The following GABRB1 variants were observed in gnomAD, a reference collection of about 807,000 sequenced individuals.
The protein encoded by GABRB1 is gamma-aminobutyric acid receptor subunit beta-1.
A neutral mutation model predicts 51.6 loss-of-function variants in GABRB1; 17 were observed. The ratio of observed to expected loss-of-function variants is 0.33; its 90% CI spans 0.23 to 0.49. The LOEUF (loss-of-function observed/expected upper bound fraction) is 0.49. GABRB1 is among the 20% of genes least tolerant of loss of function. The probability of loss-of-function intolerance (pLI) is 0.99; values close to 1 mark genes in which losing one functional copy is unlikely to be tolerated. For synonymous variants in GABRB1, 247 were observed against 218.9 expected (o/e 1.13, Z -1.14); for missense variants, 410 against 600.6 (o/e 0.68, Z 3.32).
At chr4:47,217,306 A>T (rs531842916) in intron 4 of GABRB1, among the ~76,000 whole-genome samples, 1 of 151,818 alleles carries the variant, frequency 6.6e-6, no homozygotes, top group Non-Finnish European at 1.5e-5. Context: ...TATTCTCTGT[A>T]CTTTTTCATG....
At chr4:47,037,632 A>G (rs1475318968) in intron 3 of GABRB1, among the ~76,000 whole-genome samples, 3 of 151,696 alleles carry the variant, frequency 2.0e-5, no homozygotes, top group Non-Finnish European at 4.4e-5. Context: ...TACATTTGAA[A>G]GCCTGGGATT....
At chr4:47,080,375 TC>T (rs1423778425) in intron 3 of GABRB1, among the ~76,000 whole-genome samples, 1 of 152,180 alleles carries the variant, frequency 6.6e-6, no homozygotes, top group Admixed American at 6.5e-5. Context: ...GGTGTACATT[TC>T]CTTTTCCTTG....
chr4:47,374,405 A>G (rs1040576711), intron 5 of GABRB1, among the ~76,000 whole-genome samples: 1 of 152,214 alleles, frequency 6.6e-6, no homozygotes, highest in African/African-American at 2.4e-5. Flanking sequence ...CTAAAAAATA[A>G]CAAATAAATA....
At chr4:47,089,229 T>A (rs1234681458) in intron 3 of GABRB1, among the ~76,000 whole-genome samples, 5 of 152,228 alleles carry the variant, frequency 3.3e-5, no homozygotes, top group African/African-American at 1.2e-4. Flanking sequence ...GGTGGTTCAG[T>A]GAACTGTGTC....
At chr4:47,342,910 T>C (rs896369468) in intron 5 of GABRB1, among the ~76,000 whole-genome samples, 3 of 152,088 alleles carry the variant, frequency 2.0e-5, no homozygotes, top group African/African-American at 7.2e-5. Context: ...CAAAACATTA[T>C]TTATGGCACT....
chr4:47,120,827 G>A (rs990385904), intron 3 of GABRB1, among the ~76,000 whole-genome samples: 1 of 152,004 alleles, frequency 6.6e-6, no homozygotes, highest in Non-Finnish European at 1.5e-5. Context: ...CTATTCTACT[G>A]TGGCTGAGTT....
At chr4:47,023,990 C>T (rs955801087) in intron 1 of GABRB1, among the ~76,000 whole-genome samples, 10 of 151,870 alleles carry the variant, frequency 6.6e-5, no homozygotes, top group African/African-American at 2.4e-4. Context: ...GCAATGCCAT[C>T]TAGATTGTTA....
intron 1 of GABRB1, among the ~76,000 whole-genome samples, chr4:47,012,041 G>A (rs1724597676): frequency 6.6e-6 from 1 of 152,098 alleles, no homozygotes. Context: ...AAAGCTTCCT[G>A]AGTATCCACC....
chr4:47,261,288 C>A (rs1381876632), intron 4 of GABRB1, among the ~76,000 whole-genome samples: 1 of 152,134 alleles, frequency 6.6e-6, no homozygotes, highest in Admixed American at 6.6e-5. Context: ...GATTGTATAT[C>A]TAGAAAACCC....
chr4:47,041,857 T>A lies in GABRB1; in HGVS notation c.240+9373T>A, dbSNP rs567919138. Among the ~76,000 whole-genome samples, 112 of 152,214 alleles carry A rather than the reference T, an allele frequency of 7.4e-4. 3 individuals carry two copies. In the East Asian group the frequency reaches 0.017, roughly 23 times the overall value. ...GCCATTATTTCTACCTCCTGCCACC[T>A]GCAAACCCTCTCCCACCCAAATGCC... On this transcript the variant is annotated intron_variant, in intron 3 of 8. Transcript: ENST00000295454.
At chr4:47,243,813 A>G (rs1721633330) in intron 4 of GABRB1, among the ~76,000 whole-genome samples, 1 of 152,346 alleles carries the variant, frequency 6.6e-6, no homozygotes, top group Non-Finnish European at 1.5e-5. Context: ...TAAATCTATA[A>G]TCATGTCATC....
chr4:47,011,912 A>AG (rs945329818), intron 1 of GABRB1, among the ~76,000 whole-genome samples: 7 of 152,198 alleles, frequency 4.6e-5, no homozygotes, highest in Admixed American at 4.6e-4. Context: ...AAAATCCCAC[A>AG]GTAGAATATG....
chr4:47,242,891 T>G (rs1022047664), intron 4 of GABRB1, among the ~76,000 whole-genome samples: 6 of 152,222 alleles, frequency 3.9e-5, no homozygotes, highest in Non-Finnish European at 5.9e-5. Flanking sequence ...TTTAGTTTAA[T>G]TAGATCCCAT....
intron 4 of GABRB1, among the ~76,000 whole-genome samples, chr4:47,177,397 C>T (rs1362443574): frequency 6.6e-6 from 1 of 152,008 alleles, no homozygotes; most frequent in Non-Finnish European, 1.5e-5. Context: ...ATATAACTCA[C>T]CTGAAAGATT....
chr4:47,075,540 C>A (rs1727509002), intron 3 of GABRB1, among the ~76,000 whole-genome samples: 1 of 152,116 alleles, frequency 6.6e-6, no homozygotes, highest in African/African-American at 2.4e-5. Context: ...CAGTTGCAAC[C>A]AAGCCTCCAG....
At chr4:47,224,336 C>T (rs1351498461) in intron 4 of GABRB1, among the ~76,000 whole-genome samples, 1 of 151,868 alleles carries the variant, frequency 6.6e-6, no homozygotes, top group Non-Finnish European at 1.5e-5. Flanking sequence ...TTTTTTAAAA[C>T]AGTAAAGAAG....
In GABRB1 at chr4:47,238,695, C is replaced by T. The variant is rs553942961; in HGVS notation, c.461+77226C>T. Among the ~76,000 whole-genome samples, 43 of 152,058 alleles carry T rather than the reference C, an allele frequency of 2.8e-4. No individual in the cohort carries two copies. In the South Asian group the frequency reaches 7.9e-3, roughly 28 times the overall value. ...ATTCTGTATGAAAAATTTGAAATAT[C>T]CTAAGTGTCGAAAAGTTTTGGAATA... is the stretch of plus-strand genomic sequence containing the variant. On this transcript the variant is annotated intron_variant, in intron 4 of 8. Coordinates refer to ENST00000295454, the MANE Select transcript of GABRB1 (RefSeq NM_000812.4).
At chr4:47,276,810 A>ACC (rs376898213) in intron 4 of GABRB1, among the ~76,000 whole-genome samples, 110 of 152,058 alleles carry the variant, frequency 7.2e-4, no homozygotes, top group African/African-American at 2.5e-3. Context: ...AGCCTCCTTA[A>ACC]CCTCTACCCA....
intron 4 of GABRB1, among the ~76,000 whole-genome samples, chr4:47,289,802 C>G (rs1723655360): frequency 6.6e-6 from 1 of 152,282 alleles, no homozygotes; most frequent in South Asian, 2.1e-4. Flanking sequence ...AATGTCTTAA[C>G]CATTTTTAGC....
Sources: allele counts gnomAD v4.1 joint callset (sites outside exome capture counted in the v4.1 genomes callset), GRCh38; gene constraint gnomAD v4.1.1; transcripts MANE v1.5; gene names NCBI Gene and HGNC (gene_info 2026-07-23, HGNC 2026-07-21).